ATP7A: variants seen among roughly 807,000 people sequenced by gnomAD.
The protein encoded by ATP7A is ATPase copper transporting alpha.
Under a neutral mutation model 83.5 loss-of-function variants are expected in ATP7A, and 7 were observed. That is an observed-to-expected ratio of 0.08 (90% CI 0.05 to 0.16). The LOEUF is 0.16. Among genes scored for constraint, ATP7A ranks in the 10% least tolerant of loss-of-function variants. The pLI, the probability that ATP7A is intolerant of heterozygous loss-of-function variation, is 1.00. For synonymous variants in ATP7A, 354 were observed against 395.2 expected, an observed-to-expected ratio of 0.90 and a Z score of 1.24; for missense variants, 940 against 1,120.8, an observed-to-expected ratio of 0.84 and a Z score of 2.30.
At chrX:77,956,784 T>TTTCTTTCTTTCG (rs1569549170) in intron 1 of ATP7A, among the ~76,000 whole-genome samples, 2 of 102,124 alleles carry the variant, frequency 2.0e-5, no homozygotes, top group African/African-American at 7.2e-5. Context: ...TCTTTCTTTC[T>TTTCTTTCTTTCG]TTCTCTTTCT....
intron 1 of ATP7A, chrX:77,923,806 T>C (rs1557223342): frequency 9.0e-6 from 1 of 111,380 alleles, no homozygotes; most frequent in East Asian, 2.8e-4. Context: ...TCATTTAAGT[T>C]TATGTTTTGT....
intron 2 of ATP7A, among the ~76,000 whole-genome samples, chrX:77,979,203 T>TA (rs1426201045): frequency 9.0e-6 from 1 of 111,490 alleles, no homozygotes; most frequent in Non-Finnish European, 1.9e-5. Context: ...TATGGTTTTT[T>TA]ATTCCTTTTT....
chrX:77,969,514 C>A (rs782214275), intron 1 of ATP7A: 12 of 1,209,218 alleles, frequency 9.9e-6, no homozygotes, highest in Non-Finnish European at 1.1e-5. Flanking sequence ...TAGCGCCTGC[C>A]CGCCGCGCTT....
intron 1 of ATP7A, among the ~76,000 whole-genome samples, chrX:77,932,528 C>T (rs1440876196): frequency 8.9e-6 from 1 of 112,370 alleles, no homozygotes; most frequent in Non-Finnish European, 1.9e-5. Flanking sequence ...GCTGCAATCT[C>T]GGCACTTTGG....
chrX:77,952,628 A>G (rs1377944464), intron 1 of ATP7A, among the ~76,000 whole-genome samples: 1 of 111,646 alleles, frequency 9.0e-6, no homozygotes, highest in East Asian at 2.8e-4. Flanking sequence ...AGCATTTAGC[A>G]TCATTATTTT....
rs2077968018 is a variant in ATP7A, at chrX:78,029,374, T to G, written c.3041T>G (p.Val1014Gly). Residue 1014 changes from valine to glycine, a missense_variant, in exon 15 of 23, where the codon GTG becomes GGG. This residue lies in a region of ATP7A where 386 missense variants were observed against 502.2 expected (regional missense o/e 0.77). Coordinates refer to ENST00000341514, the MANE Select transcript of ATP7A (RefSeq NM_000052.7). The part of the protein sequence containing the change: ...LGLATPTAVM[V>G]GTGVGAQNGI... ...CTGGCCACTCCAACTGCTGTGATGG[T>G]GGGTACAGGAGTAGGTGCTCAAAAT... is the stretch of plus-strand genomic sequence containing the variant. 8.3e-7 allele frequency: 1 copy of G among 1,209,639 alleles called. No individual in the cohort carries two copies. Among genetic ancestry groups the G allele is most frequent in the Admixed American group, 2.2e-5 (1 of 45,718 alleles).
chrX:77,919,790 A>G (rs781925128), intron 1 of ATP7A, among the ~76,000 whole-genome samples: 1 of 112,140 alleles, frequency 8.9e-6, no homozygotes, highest in Non-Finnish European at 1.9e-5. Context: ...GTCCGGCCCC[A>G]TTTTAACCAT....
rs575512373 is a variant in ATP7A, at chrX:78,022,984, A to G, written c.2916+1905A>G. Among the ~76,000 whole-genome samples, 19 of 110,559 alleles carry G rather than the reference A, an allele frequency of 1.7e-4. No homozygotes were observed. The South Asian group carries it at 6.9e-3, about 40-fold the overall frequency. ...GGAGGCCCCACTGCTCATTGATTTC[A>G]TCTTTATGTCCATGTGTAGCCATTG... On this transcript the variant is annotated intron_variant, in intron 14 of 22. Transcript: ENST00000341514.
At chrX:77,925,743 T>A (rs782635225) in intron 1 of ATP7A, among the ~76,000 whole-genome samples, 10 of 111,319 alleles carry the variant, frequency 9.0e-5, no homozygotes, top group African/African-American at 2.9e-4. Context: ...AGGCTGCACT[T>A]AGAAATTTAT....
rs368747913 is a variant in ATP7A, at chrX:78,009,182, C to T, written c.1788C>T (p.Ser596=). ...AACACAGAGGGATCCTATACTGCTC[C>T]GTGGCCCTGGCAACCAACAAAGCAC... is the stretch of plus-strand genomic sequence containing the variant. The part of the protein sequence containing the change: ...LTKHRGILYC[S]VALATNKAHI... Residue 596 remains serine, a synonymous_variant, in exon 7 of 23, where the codon TCC becomes TCT. Transcript: ENST00000341514. The T allele has an allele frequency of 1.7e-5, 20 of 1,207,115 alleles. No individual in the cohort carries two copies. In the East Asian group the frequency reaches 1.8e-4, roughly 11 times the overall value.
At chrX:77,985,083 G>A (rs144979309) in intron 2 of ATP7A, among the ~76,000 whole-genome samples, 4,065 of 110,778 alleles carry the variant, frequency 0.037, 100 homozygotes, top group Admixed American at 0.11. Flanking sequence ...GCAGTGGCAC[G>A]ACTTTGGCTC....
intron 1 of ATP7A, among the ~76,000 whole-genome samples, chrX:77,961,190 A>G (rs1325712096): frequency 8.9e-6 from 1 of 111,769 alleles, no homozygotes; most frequent in Admixed American, 9.6e-5. Context: ...AAGTGGCTTA[A>G]TTAGTATAAT....
At chrX:78,012,397 G>A (rs187540741) in intron 9 of ATP7A, among the ~76,000 whole-genome samples, 2 of 110,643 alleles carry the variant, frequency 1.8e-5, no homozygotes, top group Non-Finnish European at 3.8e-5. Context: ...AGATGGGTGA[G>A]TTTTATACAA....
intron 18 of ATP7A, 40 bp from the exon 19 acceptor site, chrX:78,040,551 A>G: frequency 8.4e-7 from 1 of 1,193,694 alleles, no homozygotes; most frequent in Non-Finnish European, 1.1e-6. Context: ...TCCTTTCACT[A>G]TATTCCAAGT....
chrX:77,921,862 C>T (rs782514403), intron 1 of ATP7A, among the ~76,000 whole-genome samples: 11 of 111,396 alleles, frequency 9.9e-5, no homozygotes, highest in East Asian at 2.8e-4. Context: ...GCTGAGATCA[C>T]GCTACTGCAC....
chrX:77,972,646 C>T (rs1392519815), intron 2 of ATP7A, among the ~76,000 whole-genome samples: 1 of 111,301 alleles, frequency 9.0e-6, no homozygotes, highest in Non-Finnish European at 1.9e-5. Context: ...CCACTGTGCC[C>T]GGCTGCATGC....
chrX:78,001,278 CT>C (rs1302878401), intron 5 of ATP7A, among the ~76,000 whole-genome samples: 1 of 110,589 alleles, frequency 9.0e-6, no homozygotes, highest in Admixed American at 9.7e-5. Context: ...GGTATTTTTT[CT>C]TTTTTTCACT....
chrX:78,010,639 G>C (rs2077814451), intron 7 of ATP7A, among the ~76,000 whole-genome samples: 1 of 95,096 alleles, frequency 1.1e-5, no homozygotes, highest in Admixed American at 1.2e-4. Flanking sequence ...GAGTGCAGTG[G>C]TGCGATCTCA....
At chrX:77,919,680 G>T (rs940957762) in intron 1 of ATP7A, among the ~76,000 whole-genome samples, 1 of 111,900 alleles carries the variant, frequency 8.9e-6, no homozygotes, top group Non-Finnish European at 1.9e-5. Context: ...TGGAGACGGG[G>T]TTTCACCATG....
Sources: allele counts gnomAD v4.1 joint callset (sites outside exome capture counted in the v4.1 genomes callset), GRCh38; gene constraint gnomAD v4.1.1; regional missense constraint gnomAD v4.1.1; transcripts MANE v1.5; gene names NCBI Gene and HGNC (gene_info 2026-07-23, HGNC 2026-07-21).